Variants in LARS1 observed in about 807,000 individuals in gnomAD.
The protein encoded by LARS1 is leucine--tRNA ligase, cytoplasmic.
A neutral mutation model predicts 162.8 loss-of-function variants in LARS1; 100 were observed. That is an observed-to-expected ratio of 0.61 (90% confidence interval 0.52 to 0.73). LARS1 has a LOEUF of 0.73. Among genes scored for constraint, LARS1 ranks in the 30% least tolerant of loss-of-function variants. The pLI is 0.00. For missense variants in LARS1, 1,258 were observed against 1,408.9 expected (o/e 0.89, Z 1.71); for synonymous variants, 457 against 462.8 (o/e 0.99, Z 0.16).
At chr5:146,120,834 C>T (rs1751788732) in intron 30 of LARS1, among the ~76,000 whole-genome samples, 1 of 152,136 alleles carries the variant, frequency 6.6e-6, no homozygotes, top group Admixed American at 6.6e-5. Flanking sequence ...AGTTCTATAT[C>T]CCTGAAGTAG....
intron 2 of LARS1, among the ~76,000 whole-genome samples, chr5:146,175,081 TG>T (rs1280408285): frequency 6.6e-6 from 1 of 151,966 alleles, no homozygotes; most frequent in African/African-American, 2.4e-5. Flanking sequence ...TACCTGGGTG[TG>T]GTGGCGTGCG....
chr5:146,161,755 A>AAAAC (rs1241030099), intron 6 of LARS1, among the ~76,000 whole-genome samples: 6 of 148,174 alleles, frequency 4.0e-5, no homozygotes, highest in Non-Finnish European at 7.5e-5. Flanking sequence ...CTCCATCTCA[A>AAAAC]AAAAAAAAAA....
chr5:146,143,553 G>A lies in LARS1; in HGVS notation c.1739-3C>T, dbSNP rs1752883497. ...CTCATCCCAAGGCAGGTGAGTGCCTGAAAAATAAAAAGTAACGCATGAGGA... is the reference window on the plus strand; with the variant it reads ...CTCATCCCAAGGCAGGTGAGTGCCTAAAAAATAAAAAGTAACGCATGAGGA... On this transcript the variant is annotated splice_polypyrimidine_tract_variant and splice_region_variant and intron_variant, in intron 18 of 31. Transcript: ENST00000394434. The A allele has an allele frequency of 6.2e-7, 1 of 1,611,256 alleles. No individual in the cohort carries two copies. The highest frequency in any genetic ancestry group is 8.5e-7 in the Non-Finnish European group (1 of 1,178,636).
At chr5:146,115,028 G>C (rs1275472847) in intron 31 of LARS1, among the ~76,000 whole-genome samples, 1 of 128,800 alleles carries the variant, frequency 7.8e-6, no homozygotes, top group African/African-American at 3.0e-5. Flanking sequence ...TGGCAACAGA[G>C]CAAGATTCTG....
intron 1 of LARS1, among the ~76,000 whole-genome samples, chr5:146,181,454 T>TC (rs1446770699): frequency 6.6e-6 from 1 of 151,998 alleles, no homozygotes; most frequent in Non-Finnish European, 1.5e-5. Context: ...GACAGAAGGA[T>TC]CGCTTGACCC....
Position 146,113,889 on chromosome 5 carries a change from C to A in LARS1, c.*217G>T. Reference sequence around the variant, plus strand: ...TTTTTTAAAAAGAGTTTGGCAAAAACCATTTCTCTTGGACACCCAAAGAAA... The same window carrying A: ...TTTTTTAAAAAGAGTTTGGCAAAAAACATTTCTCTTGGACACCCAAAGAAA... On this transcript the variant is annotated 3_prime_UTR_variant, in exon 32 of 32. Coordinates refer to ENST00000394434, the MANE Select transcript of LARS1 (RefSeq NM_020117.11). 1.9e-6 allele frequency: 1 copy of A among 513,972 alleles called. No homozygotes were observed. The highest frequency in any genetic ancestry group is 3.0e-5 in the South Asian group (1 of 33,476). The allele number at this position is 513,972 out of a possible 1,614,324, so 31.8% of individuals were successfully genotyped here. A position where few individuals can be genotyped will look rare whatever the true frequency, so the allele number is the denominator to read the frequency against.
At chr5:146,169,642 G>A (rs67051761) in intron 4 of LARS1, among the ~76,000 whole-genome samples, 33,877 of 151,534 alleles carry the variant, frequency 0.22, 4,851 homozygotes, top group Admixed American at 0.34. Flanking sequence ...TCTACTTCCC[G>A]GGTTCAAGCG....
Position 146,114,159 on chromosome 5 carries a change from C to T in LARS1, c.3478G>A (p.Glu1160Lys), listed in dbSNP as rs1365051816. Residue 1160 changes from glutamate (E) to lysine (K), a missense_variant, in exon 32 of 32, where the codon GAG (glutamate) becomes AAG (lysine). Glu to Lys is a moderately conservative substitution (Grantham distance 56, BLOSUM62 1). Transcript: ENST00000394434. ...CCAATATCCACCCTTATCCCATTCT[C>T]AGTCAGATGAATTTTCTTGCTCATG... ...DLMSKKIHLT[E>K]NGIRVDIGDT... is the part of the protein sequence containing the mutation. The T allele has an allele frequency of 6.2e-7, 1 of 1,613,806 alleles. No individual in the cohort carries two copies. The highest frequency in any genetic ancestry group is 8.5e-7 in the Non-Finnish European group (1 of 1,179,946).
chr5:146,151,645 T>C (rs1419992222), intron 14 of LARS1, among the ~76,000 whole-genome samples: 2 of 152,176 alleles, frequency 1.3e-5, no homozygotes, highest in Non-Finnish European at 2.9e-5. Context: ...TAGAGATTCC[T>C]AGAGGGCACG....
At position 146,153,771 on chromosome 5, in the gene LARS1, T is replaced by C. The variant is rs760985016; in HGVS notation, c.1193A>G (p.Asp398Gly). 6.2e-7 allele frequency: 1 copy of C among 1,614,064 alleles called. No individual in the cohort carries two copies. The highest frequency in any genetic ancestry group is 8.5e-7 in the Non-Finnish European group (1 of 1,179,974). Residue 398 changes from aspartate to glycine, a missense_variant, in exon 12 of 32, where the codon GAT (aspartate) becomes GGT (glycine). Asp to Gly is a moderately conservative substitution (Grantham distance 94). Transcript: ENST00000394434. ...VVTSVPSDSP[D>G]DIAALRDLKK... ...CAAGTCTCTGAGGGCAGCAATATCA[T>C]CAGGGGAGTCGGAAGGAACACTTGT...
Position 146,128,584 on chromosome 5 carries a change from T to C in LARS1, c.2880+88A>G. ...GAAACAAAGCTGCCTATCTTTCTTC[T>C]CCCAGACATTGCCAACATCCTAAAA... On this transcript the variant is annotated intron_variant, in intron 27 of 31. Coordinates refer to ENST00000394434, the MANE Select transcript of LARS1 (RefSeq NM_020117.11). 3 of 759,018 alleles carry C rather than the reference T, an allele frequency of 4.0e-6. No individual in the cohort carries two copies. The South Asian group carries it at 7.2e-5, about 18-fold the overall frequency. 47.0% of individuals were successfully genotyped at this position (759,018 alleles called of 1,614,324 possible). A position where few individuals can be genotyped will look rare whatever the true frequency, so the allele number is the denominator to read the frequency against.
At chr5:146,141,532 G>A (rs547833625) in intron 20 of LARS1, among the ~76,000 whole-genome samples, 2 of 152,284 alleles carry the variant, frequency 1.3e-5, no homozygotes, top group South Asian at 2.1e-4. Context: ...GGCCAGGCAC[G>A]GTGGCTCATA....
In LARS1 at chr5:146,128,958, A is replaced by G; in HGVS notation, c.2769+20T>C. 6.4e-7 allele frequency: 1 copy of G among 1,569,176 alleles called. No individual in the cohort carries two copies. Among genetic ancestry groups the G allele is most frequent in the Non-Finnish European group, 8.6e-7 (1 of 1,166,084 alleles). On this transcript the variant is annotated intron_variant, in intron 26 of 31. Transcript: ENST00000394434. ...CTTTTAAGGAATAATCCTTTAAAAA[A>G]AAAAACAAAAAAACTTTACCTTCCC...
chr5:146,120,230 C>A, intron 31 of LARS1, 141 bp downstream of exon 31: 1 of 920,008 alleles, frequency 1.1e-6, no homozygotes, highest in Non-Finnish European at 1.7e-6. Flanking sequence ...GAATAGTTTT[C>A]TTGATTCTGA....
At chr5:146,151,671 G>A (rs1753296989) in intron 14 of LARS1, among the ~76,000 whole-genome samples, 191 bp downstream of exon 14, 1 of 152,156 alleles carries the variant, frequency 6.6e-6, no homozygotes, top group South Asian at 2.1e-4. Flanking sequence ...GACAATTTCT[G>A]AAAATGCTTT....
In LARS1 at chr5:146,135,663, A is replaced by G; in HGVS notation, c.2150T>C (p.Met717Thr). The change falls in exon 22 of 32, where the codon ATG becomes ACG. Residue 717 changes from methionine to threonine, a missense_variant and splice_region_variant. Met to Thr is a moderately conservative substitution (Grantham distance 81). Coordinates refer to ENST00000394434, the MANE Select transcript of LARS1 (RefSeq NM_020117.11). ...GAGGAAGTTGCCTGTGGATTTTGAC[A>G]TCTGAAATAGAGAGTCAGTGATCAA... ...NGHLLLNSEKMSKSTGNFLTL... is the reference protein window; with the variant it reads ...NGHLLLNSEKTSKSTGNFLTL... 6.3e-7 allele frequency: 1 copy of G among 1,593,720 alleles called. No individual in the cohort carries two copies. Among genetic ancestry groups the G allele is most frequent in the Non-Finnish European group, 8.5e-7 (1 of 1,172,808 alleles).
At chr5:146,143,748 C>T (rs963330301) in intron 18 of LARS1, among the ~76,000 whole-genome samples, 198 bp from the exon 19 acceptor site, 4 of 152,134 alleles carry the variant, frequency 2.6e-5, no homozygotes, top group African/African-American at 9.7e-5. Flanking sequence ...CCTATAATCC[C>T]AGCACTTTGG....
intron 3 of LARS1, among the ~76,000 whole-genome samples, chr5:146,172,332 A>G (rs1238875576): frequency 6.6e-6 from 1 of 152,094 alleles, no homozygotes; most frequent in African/African-American, 2.4e-5. Flanking sequence ...CCTGGCCAAT[A>G]TGGTGAAATC....
At chr5:146,162,664 G>A (rs1427417426) in intron 6 of LARS1, among the ~76,000 whole-genome samples, 1 of 152,210 alleles carries the variant, frequency 6.6e-6, no homozygotes, top group Non-Finnish European at 1.5e-5. Context: ...GCCAGACACT[G>A]ACTTCTCTCT....
Sources: allele counts gnomAD v4.1 joint callset (sites outside exome capture counted in the v4.1 genomes callset), GRCh38; gene constraint gnomAD v4.1.1; transcripts MANE v1.5; gene names NCBI Gene and HGNC (gene_info 2026-07-23, HGNC 2026-07-21).